CMIP: variants seen among roughly 807,000 people sequenced by gnomAD.
The protein encoded by CMIP is C-Maf-inducing protein.
Under a neutral mutation model 97.3 loss-of-function variants are expected in CMIP, and 13 were observed. The ratio of observed to expected loss-of-function variants is 0.13; its 90% CI spans 0.09 to 0.21. The LOEUF is 0.21. Ranked by LOEUF, CMIP falls within the 10% of genes least tolerant of loss-of-function variation. The pLI is 1.00. For synonymous variants in CMIP, 538 were observed against 436.3 expected (o/e 1.23, Z -2.91); for missense variants, 847 against 1,024.9 (o/e 0.83, Z 2.37).
intron 1 of CMIP, among the ~76,000 whole-genome samples, chr16:81,587,036 G>C (rs2091394114): frequency 6.6e-6 from 1 of 152,248 alleles, no homozygotes; most frequent in African/African-American, 2.4e-5. Flanking sequence ...GGCTACATGA[G>C]ATGAAATCTG....
chr16:81,601,151 G>A (rs983615748), intron 1 of CMIP, among the ~76,000 whole-genome samples: 3 of 152,210 alleles, frequency 2.0e-5, no homozygotes, highest in Admixed American at 6.5e-5. Flanking sequence ...CCCCATCCCC[G>A]ACTGGGCAAG....
At chr16:81,677,680 A>T (rs1196933137) in intron 9 of CMIP, among the ~76,000 whole-genome samples, 1 of 152,224 alleles carries the variant, frequency 6.6e-6, no homozygotes, top group Non-Finnish European at 1.5e-5. Flanking sequence ...CACCTTGTGC[A>T]GGCTTCTGTT....
At chr16:81,533,626 G>T (rs761058041) in intron 1 of CMIP, among the ~76,000 whole-genome samples, 1 of 152,012 alleles carries the variant, frequency 6.6e-6, no homozygotes, top group Non-Finnish European at 1.5e-5. Flanking sequence ...CTATATGCAC[G>T]TGCCGCCATG....
At chr16:81,653,676 C>T (rs940971021) in intron 4 of CMIP, among the ~76,000 whole-genome samples, 20 of 152,174 alleles carry the variant, frequency 1.3e-4, no homozygotes, top group African/African-American at 3.4e-4. Context: ...AGTGCAGTGG[C>T]GTGACGGCTC....
At chr16:81,657,417 G>A (rs1468828162) in intron 4 of CMIP, among the ~76,000 whole-genome samples, 21 of 152,132 alleles carry the variant, frequency 1.4e-4, no homozygotes, top group Non-Finnish European at 1.5e-5. Context: ...CTTCTAAGCA[G>A]TTTCACTTTG....
chr16:81,647,832 C>T (rs967837445), intron 3 of CMIP, among the ~76,000 whole-genome samples: 16 of 152,164 alleles, frequency 1.1e-4, no homozygotes, highest in Non-Finnish European at 1.6e-4. Context: ...TCCCTGTGGC[C>T]ACCCTGACCT....
At chr16:81,640,897 T>G (rs970836636) in intron 3 of CMIP, among the ~76,000 whole-genome samples, 3 of 152,108 alleles carry the variant, frequency 2.0e-5, no homozygotes, top group Non-Finnish European at 2.9e-5. Context: ...AAGGTCATAG[T>G]CACAGATACC....
intron 1 of CMIP, among the ~76,000 whole-genome samples, chr16:81,539,827 T>C (rs1372768130): frequency 6.6e-6 from 1 of 152,232 alleles, no homozygotes; most frequent in East Asian, 1.9e-4. Context: ...GTCATTCTCT[T>C]TATGAATGCA....
At chr16:81,688,311 C>T (rs1013203677) in intron 10 of CMIP, among the ~76,000 whole-genome samples, 1 of 152,204 alleles carries the variant, frequency 6.6e-6, no homozygotes, top group Admixed American at 6.5e-5. Flanking sequence ...CACGGTGCTT[C>T]CCGCAGCTGC....
intron 1 of CMIP, among the ~76,000 whole-genome samples, chr16:81,498,562 A>C (rs1477136166): frequency 6.6e-6 from 1 of 151,814 alleles, no homozygotes; most frequent in Non-Finnish European, 1.5e-5. Context: ...CTTCCACCTG[A>C]CTCATGGCTC....
intron 1 of CMIP, among the ~76,000 whole-genome samples, chr16:81,584,339 A>G (rs2091345427): frequency 6.6e-6 from 1 of 152,218 alleles, no homozygotes; most frequent in Non-Finnish European, 1.5e-5. Flanking sequence ...TCCTCCAGCA[A>G]GCACTCCGTA....
chr16:81,553,631 A>G (rs1186832026), intron 1 of CMIP, among the ~76,000 whole-genome samples: 2 of 152,210 alleles, frequency 1.3e-5, no homozygotes, highest in East Asian at 3.9e-4. Flanking sequence ...ACCTCTAAAC[A>G]CAGCCTGGAG....
intron 1 of CMIP, among the ~76,000 whole-genome samples, chr16:81,503,241 G>A (rs752609663): frequency 1.3e-5 from 2 of 152,188 alleles, no homozygotes; most frequent in African/African-American, 4.8e-5. Context: ...CTGCTCTGGA[G>A]TGAACACAGC....
At chr16:81,462,799 G>A (rs1262286717) in intron 1 of CMIP, among the ~76,000 whole-genome samples, 1 of 152,188 alleles carries the variant, frequency 6.6e-6, no homozygotes, top group Admixed American at 6.5e-5. Context: ...GGGCTGTTCT[G>A]CTGGAATCAG....
At chr16:81,588,678 A>G (rs1451829457) in intron 1 of CMIP, among the ~76,000 whole-genome samples, 1 of 152,010 alleles carries the variant, frequency 6.6e-6, no homozygotes, top group African/African-American at 2.4e-5. Context: ...CATCCTGTGT[A>G]TTTCACTTAT....
intron 1 of CMIP, among the ~76,000 whole-genome samples, chr16:81,560,551 T>C (rs2090862424): frequency 6.6e-6 from 1 of 152,204 alleles, no homozygotes; most frequent in Admixed American, 6.5e-5. Context: ...TAGTGTAGCC[T>C]AAGTGTACAG....
chr16:81,504,513 G>A (rs1277236984), intron 1 of CMIP, among the ~76,000 whole-genome samples: 1 of 151,160 alleles, frequency 6.6e-6, no homozygotes, highest in Non-Finnish European at 1.5e-5. Context: ...TGTAGTAGTG[G>A]GTGCCAGTAA....
chr16:81,609,611 G>A (rs909414452), intron 2 of CMIP, among the ~76,000 whole-genome samples: 1 of 152,226 alleles, frequency 6.6e-6, no homozygotes, highest in Non-Finnish European at 1.5e-5. Context: ...TGGAGGACTG[G>A]GAGCCCAGAG....
chr16:81,531,582 G>A (rs796541194), intron 1 of CMIP, among the ~76,000 whole-genome samples: 1 of 152,350 alleles, frequency 6.6e-6, no homozygotes, highest in African/African-American at 2.4e-5. Flanking sequence ...GACACTTGAG[G>A]CATCTCTGTG....
Sources: allele counts gnomAD v4.1 joint callset (sites outside exome capture counted in the v4.1 genomes callset), GRCh38; gene constraint gnomAD v4.1.1; transcripts MANE v1.5; gene names NCBI Gene and HGNC (gene_info 2026-07-23, HGNC 2026-07-21).